BCAS1: variants seen among roughly 807,000 people sequenced by gnomAD.
The protein encoded by BCAS1 is brain enriched myelin associated protein 1, also known as breast carcinoma-amplified sequence 1.
Under a neutral mutation model 65.4 loss-of-function variants are expected in BCAS1, and 46 were observed. The ratio of observed to expected loss-of-function variants is 0.70; its 90% CI spans 0.55 to 0.90. BCAS1 has a LOEUF of 0.90. Ranked by LOEUF, BCAS1 falls within the 40% of genes least tolerant of loss-of-function variation. The pLI is 0.00. For missense variants in BCAS1, 793 were observed against 771.2 expected, an observed-to-expected ratio of 1.03 and a Z score of -0.33; for synonymous variants, 298 against 293.5, an observed-to-expected ratio of 1.02 and a Z score of -0.16.
In BCAS1 at chr20:53,944,812, T is replaced by C. The variant is rs2089254071; in HGVS notation, c.*110A>G. The C allele has an allele frequency of 1.9e-6, 2 of 1,041,386 alleles. No homozygotes were observed. The highest frequency in any genetic ancestry group is 1.5e-6 in the Non-Finnish European group (1 of 661,944). The allele number at this position is 1,041,386 out of a possible 1,614,324, so 64.5% of individuals were successfully genotyped here. Reference sequence around the variant, plus strand: ...GGCTTAATTTCTAGGCAGAATTTCATTTGCTGGCCATCAGAAGAATATATA... The same window carrying C: ...GGCTTAATTTCTAGGCAGAATTTCACTTGCTGGCCATCAGAAGAATATATA... On this transcript the variant is annotated 3_prime_UTR_variant, in exon 13 of 13. Coordinates refer to ENST00000688948, the MANE Select transcript of BCAS1 (RefSeq NM_001366298.2).
At chr20:54,062,687 C>T (rs2092390636) in intron 1 of BCAS1, among the ~76,000 whole-genome samples, 1 of 152,182 alleles carries the variant, frequency 6.6e-6, no homozygotes, top group South Asian at 2.1e-4. Context: ...GATTTTTCTT[C>T]CCACAGAGTT....
At chr20:53,992,109 G>C (rs1390826270) in intron 7 of BCAS1, among the ~76,000 whole-genome samples, 1 of 151,956 alleles carries the variant, frequency 6.6e-6, no homozygotes, top group Non-Finnish European at 1.5e-5. Context: ...CTTCCTCTTA[G>C]GAAAAATTAT....
chr20:53,965,121 G>A lies in BCAS1; in HGVS notation c.1485+1785C>T, dbSNP rs566262131. On this transcript the variant is annotated intron_variant, in intron 10 of 12. Transcript: ENST00000688948. The stretch of plus-strand genomic sequence containing the variant: ...TTCACTGCCAAATTGCAGATCAAAT[G>A]GCCAATGAGATAGATGGGGTTTTGG... Among the ~76,000 whole-genome samples, 3 of 152,268 alleles carry A rather than the reference G, an allele frequency of 2.0e-5. No homozygotes were observed. The South Asian group carries it at 6.2e-4, about 32-fold the overall frequency.
intron 12 of BCAS1, among the ~76,000 whole-genome samples, chr20:53,952,482 C>G (rs537420159): frequency 2.0e-4 from 30 of 152,338 alleles, no homozygotes; most frequent in Non-Finnish European, 3.4e-4. Flanking sequence ...TGGAGTAACA[C>G]AATTGTGCAT....
chr20:53,982,934 T>C (rs2090518873), intron 8 of BCAS1, among the ~76,000 whole-genome samples: 1 of 152,216 alleles, frequency 6.6e-6, no homozygotes, highest in Admixed American at 6.5e-5. Flanking sequence ...CCTTTTCTTC[T>C]GATTGGGTGC....
intron 4 of BCAS1, among the ~76,000 whole-genome samples, chr20:54,013,533 T>C (rs946421321): frequency 6.6e-6 from 1 of 152,244 alleles, no homozygotes; most frequent in East Asian, 1.9e-4. Flanking sequence ...TGGCATTGTG[T>C]ACCAAAACTG....
At chr20:53,965,371 A>T (rs1432420813) in intron 10 of BCAS1, among the ~76,000 whole-genome samples, 1 of 152,248 alleles carries the variant, frequency 6.6e-6, no homozygotes, top group Non-Finnish European at 1.5e-5. Context: ...TTAAACTCCA[A>T]ATACTCCTGA....
intron 10 of BCAS1, among the ~76,000 whole-genome samples, chr20:53,957,990 G>C (rs536137020): frequency 3.3e-4 from 50 of 152,076 alleles, no homozygotes; most frequent in African/African-American, 1.2e-3. Flanking sequence ...AGGGATAAAA[G>C]GGGTTGGACT....
At chr20:54,029,032 A>G in intron 3 of BCAS1, 60 bp from the exon 4 acceptor site, 1 of 1,527,674 alleles carries the variant, frequency 6.5e-7, no homozygotes, top group Non-Finnish European at 8.8e-7. Context: ...AGGCACTAAT[A>G]ATGGACTCCA....
intron 4 of BCAS1, among the ~76,000 whole-genome samples, chr20:54,002,307 C>T (rs2091076429): frequency 6.6e-6 from 1 of 152,200 alleles, no homozygotes. Context: ...GGGATTATCT[C>T]TTATGTCCCG....
intron 2 of BCAS1, 38 bp from the exon 3 acceptor site, chr20:54,058,192 G>A (rs2092325814): frequency 1.3e-6 from 2 of 1,580,004 alleles, no homozygotes; most frequent in Non-Finnish European, 1.7e-6. Context: ...ACAAATCTTC[G>A]GGGGAAAATC....
At chr20:53,970,934 A>G (rs773919969) in intron 9 of BCAS1, among the ~76,000 whole-genome samples, 21 of 150,118 alleles carry the variant, frequency 1.4e-4, no homozygotes, top group Non-Finnish European at 2.4e-4. Flanking sequence ...TTTTTTTTCT[A>G]CTCAGTAACT....
At chr20:54,029,014 G>A in intron 3 of BCAS1, 42 bp from the exon 4 acceptor site, 2 of 1,552,730 alleles carry the variant, frequency 1.3e-6, no homozygotes, top group Non-Finnish European at 1.7e-6. Context: ...AGCCAAGCCG[G>A]GAAATTCAGG....
intron 3 of BCAS1, among the ~76,000 whole-genome samples, chr20:54,035,400 CAAAAA>C: frequency 1.6e-5 from 1 of 62,064 alleles, no homozygotes. Flanking sequence ...GACTCCGTCT[CAAAAA>C]AAAAAAAAAA....
At chr20:53,954,593 G>A (rs2089645258) in intron 11 of BCAS1, among the ~76,000 whole-genome samples, 2 of 152,298 alleles carry the variant, frequency 1.3e-5, no homozygotes, top group African/African-American at 4.8e-5. Flanking sequence ...TTGTCAAACT[G>A]AAAGGTTTAC....
chr20:53,992,297 G>C (rs1471129649), intron 7 of BCAS1, among the ~76,000 whole-genome samples: 1 of 152,150 alleles, frequency 6.6e-6, no homozygotes, highest in Non-Finnish European at 1.5e-5. Flanking sequence ...CAGAACCCTG[G>C]TCCGCACTAG....
chr20:53,943,949 C>G lies in BCAS1; in HGVS notation c.*973G>C, dbSNP rs1193757088. 6.7e-6 allele frequency: 1 copy of G among 148,170 alleles called. No homozygotes were observed. The highest frequency in any genetic ancestry group is 1.5e-5 in the Non-Finnish European group (1 of 66,702). The allele number at this position is 148,170 out of a possible 1,614,324, so 9.2% of individuals were successfully genotyped here. ...GTGTTGCAAAATAACCGTGCAACTT[C>G]CTTTATTTTTTATTTATTTTTTTTT... On this transcript the variant is annotated 3_prime_UTR_variant, in exon 13 of 13. Transcript: ENST00000688948.
chr20:53,981,104 T>C (rs2090465696), intron 8 of BCAS1, among the ~76,000 whole-genome samples: 1 of 152,232 alleles, frequency 6.6e-6, no homozygotes, highest in South Asian at 2.1e-4. Flanking sequence ...TTAAGGTTTC[T>C]TTAAAAGACT....
At chr20:53,992,898 G>T (rs963825362) in intron 6 of BCAS1, among the ~76,000 whole-genome samples, 3 of 152,030 alleles carry the variant, frequency 2.0e-5, no homozygotes, top group Admixed American at 6.5e-5. Flanking sequence ...AAGCAAGACA[G>T]AACAAAACAA....
Sources: allele counts gnomAD v4.1 joint callset (sites outside exome capture counted in the v4.1 genomes callset), GRCh38; gene constraint gnomAD v4.1.1; transcripts MANE v1.5; gene names NCBI Gene and HGNC (gene_info 2026-07-23, HGNC 2026-07-21).